Variants in TMPRSS9 observed in about 807,000 individuals in gnomAD.
TMPRSS9 encodes the protein transmembrane protease serine 9.
In TMPRSS9, 113 loss-of-function variants were observed where a neutral mutation model predicts 111.4. The observed-to-expected ratio is 1.01, with a 90% CI of 0.87 to 1.19. TMPRSS9 has a LOEUF of 1.19. TMPRSS9 is among the 50% of genes most tolerant of loss of function. The pLI, the probability that TMPRSS9 is intolerant of heterozygous loss-of-function variation, is 0.00. For synonymous variants in TMPRSS9, 805 were observed against 659.1 expected, an observed-to-expected ratio of 1.22 and a Z score of -3.39; for missense variants, 1,803 against 1,513.1, an observed-to-expected ratio of 1.19 and a Z score of -3.18.
At chr19:2,379,630 T>TTTCTTTCTTTCC (rs1491514942) in intron 1 of TMPRSS9, among the ~76,000 whole-genome samples, 16 of 143,814 alleles carry the variant, frequency 1.1e-4, no homozygotes, top group African/African-American at 4.3e-4. Context: ...TCTTTCTTTC[T>TTTCTTTCTTTCC]TTCTTTCTTT....
intron 1 of TMPRSS9, among the ~76,000 whole-genome samples, chr19:2,361,498 G>C (rs1418568738): frequency 1.3e-5 from 2 of 152,068 alleles, no homozygotes; most frequent in Non-Finnish European, 2.9e-5. Context: ...GTAACAATTG[G>C]AGGTGGGTGA....
At chr19:2,363,135 G>A (rs113674739) in intron 1 of TMPRSS9, among the ~76,000 whole-genome samples, 4 of 152,346 alleles carry the variant, frequency 2.6e-5, no homozygotes, top group African/African-American at 9.6e-5. Context: ...TGCCCACAGC[G>A]TGTGAACGTG....
chr19:2,371,507 C>T (rs1970290156), intron 1 of TMPRSS9, among the ~76,000 whole-genome samples: 1 of 151,484 alleles, frequency 6.6e-6, no homozygotes, highest in African/African-American at 2.4e-5. Context: ...GGTGACACAG[C>T]AAAACCCTGT....
At chr19:2,380,714 C>T (rs578193682) in intron 1 of TMPRSS9, among the ~76,000 whole-genome samples, 1 of 152,130 alleles carries the variant, frequency 6.6e-6, no homozygotes, top group African/African-American at 2.4e-5. Context: ...CCCAGCTAAA[C>T]CCTGTCAGAA....
intron 5 of TMPRSS9, among the ~76,000 whole-genome samples, 191 bp from the exon 7 acceptor site, chr19:2,402,891 C>G (rs1310143037): frequency 6.6e-6 from 1 of 152,270 alleles, no homozygotes; most frequent in East Asian, 1.9e-4. Flanking sequence ...GATTGCACCA[C>G]TGCACTCCCG....
chr19:2,412,408 A>G (rs1971116827), intron 9 of TMPRSS9, among the ~76,000 whole-genome samples: 1 of 152,144 alleles, frequency 6.6e-6, no homozygotes. Context: ...CGTCTCAAAC[A>G]AAATTGAAAA....
At chr19:2,400,130 G>A (rs1012309679) in intron 4 of TMPRSS9, among the ~76,000 whole-genome samples, 3 of 152,262 alleles carry the variant, frequency 2.0e-5, no homozygotes, top group Non-Finnish European at 2.9e-5. Flanking sequence ...ATGAATAGGT[G>A]TGGCTGTTTA....
chr19:2,403,658 A>G (rs1322260087), intron 6 of TMPRSS9, among the ~76,000 whole-genome samples: 2 of 149,846 alleles, frequency 1.3e-5, no homozygotes, highest in Non-Finnish European at 3.0e-5. Context: ...GGAGTTTCAG[A>G]CCAGCCTGGA....
chr19:2,421,129 C>T (rs1394904547), intron 13 of TMPRSS9, among the ~76,000 whole-genome samples: 8 of 151,498 alleles, frequency 5.3e-5, no homozygotes, highest in Admixed American at 5.3e-4. Flanking sequence ...TCACTTGAAC[C>T]CAGGAGGTGG....
rs565933131 is a variant in TMPRSS9 at position 2,425,718 on chromosome 19, G to A, written c.3121-209G>A. 153 of 1,159,212 alleles carry A rather than the reference G, an allele frequency of 1.3e-4. 1 individual carries two copies. In the East Asian group the frequency reaches 4.1e-3, roughly 31 times the overall value. The allele number at this position is 1,159,212 out of a possible 1,614,324, so 71.8% of individuals were successfully genotyped here. On this transcript the variant is annotated intron_variant, in intron 17 of 17. Coordinates refer to ENST00000648592, the Ensembl canonical transcript of TMPRSS9. ...GGGCCTCGGCGGCAGAGCAGGCAGA[G>A]GCTGCAGTGGGAGGCACCGTTCCAC...
chr19:2,365,459 G>A (rs984035542), intron 1 of TMPRSS9, among the ~76,000 whole-genome samples: 6 of 152,128 alleles, frequency 3.9e-5, no homozygotes, highest in African/African-American at 2.4e-5. Flanking sequence ...TGAGGACAGG[G>A]GACAGGAAGA....
At chr19:2,381,363 C>T (rs111440265) in intron 1 of TMPRSS9, among the ~76,000 whole-genome samples, 2 of 148,686 alleles carry the variant, frequency 1.3e-5, no homozygotes, top group Non-Finnish European at 3.0e-5. Context: ...TGTGTGTGTG[C>T]GTGTGTGTGT....
In TMPRSS9 at chr19:2,371,429, G is replaced by A. The variant is rs888449464; in HGVS notation, c.-26+11069G>A. On this transcript the variant is annotated intron_variant, in intron 1 of 17. Coordinates refer to the TMPRSS9 transcript ENST00000649857. Reference sequence around the variant, plus strand: ...CTGCCGGGCGCAGCGGCTCACGCCTGTAATCCCAGCACTTTGGGAGGCTGA... The same window carrying A: ...CTGCCGGGCGCAGCGGCTCACGCCTATAATCCCAGCACTTTGGGAGGCTGA... Among the ~76,000 whole-genome samples the A allele has an allele frequency of 3.9e-5, 6 of 152,194 alleles. No individual in the cohort carries two copies. The East Asian group carries it at 9.6e-4, about 24-fold the overall frequency.
At chr19:2,374,379 C>T (rs1402657288) in intron 1 of TMPRSS9, among the ~76,000 whole-genome samples, 2 of 137,532 alleles carry the variant, frequency 1.5e-5, no homozygotes, top group African/African-American at 5.8e-5. Context: ...TCGAGACCAC[C>T]CTGACCAATA....
chr19:2,417,818 GAGC>G (rs1171146087), intron 12 of TMPRSS9, among the ~76,000 whole-genome samples, 181 bp from the exon 14 acceptor site: 2 of 152,156 alleles, frequency 1.3e-5, no homozygotes, highest in African/African-American at 4.8e-5. Flanking sequence ...CTTGCGCTCT[GAGC>G]GGGCCATCAG....
chr19:2,395,176 G>A (rs1001307126), intron 1 of TMPRSS9, among the ~76,000 whole-genome samples: 1 of 152,108 alleles, frequency 6.6e-6, no homozygotes, highest in African/African-American at 2.4e-5. Context: ...TCAGCACTTC[G>A]GGAGGCCAAG....
chr19:2,389,920 C>A, exon 1 of TMPRSS9: 1 of 1,607,488 alleles, frequency 6.2e-7, no homozygotes, highest in Non-Finnish European at 8.5e-7. Flanking sequence ...CCCTGGGAGT[C>A]CTTTTGGGTA....
Position 2,413,273 on chromosome 19 carries a change from T to C in TMPRSS9, c.1255-427T>C, listed in dbSNP as rs147894275. Among the ~76,000 whole-genome samples, 352 of 152,104 alleles carry C rather than the reference T, an allele frequency of 2.3e-3. 1 individual carries two copies. Among genetic ancestry groups the C allele is most frequent in the African/African-American group, 8.2e-3 (340 of 41,498 alleles). Reference sequence around the variant, plus strand: ...CTGGATATGGGAAGGTAAAAAATGGTGAGGCCGGACGAGTGACAGCAGATG... The same window carrying C: ...CTGGATATGGGAAGGTAAAAAATGGCGAGGCCGGACGAGTGACAGCAGATG... On this transcript the variant is annotated intron_variant, in intron 9 of 17. Coordinates refer to ENST00000648592, the Ensembl canonical transcript of TMPRSS9.
chr19:2,423,126 C>A (rs904541706), intron 14 of TMPRSS9, among the ~76,000 whole-genome samples: 1 of 151,638 alleles, frequency 6.6e-6, no homozygotes, highest in African/African-American at 2.4e-5. Context: ...TCCTTGGGTG[C>A]GTGTTTCTTG....
Sources: gnomAD v4.1 joint callset for allele counts (sites outside exome capture counted in the v4.1 genomes callset) on GRCh38, gnomAD v4.1.1 for gene constraint, MANE v1.5 for transcripts, NCBI Gene and HGNC (gene_info 2026-07-23, HGNC 2026-07-21) for gene names.